SH3D19: variants seen among roughly 807,000 people sequenced by gnomAD.
The protein encoded by SH3D19 is SH3 domain-containing protein 19.
SH3D19 carries 58 observed loss-of-function variants against 112.1 expected under a neutral mutation model. The observed-to-expected ratio is 0.52, with a 90% confidence interval of 0.42 to 0.64. The LOEUF (loss-of-function observed/expected upper bound fraction) is 0.64. Ranked by LOEUF, SH3D19 falls within the 30% of genes least tolerant of loss-of-function variation. The pLI is 0.00. For missense variants in SH3D19, 1,090 were observed against 1,263.4 expected (o/e 0.86, Z 2.08); for synonymous variants, 391 against 448.5 (o/e 0.87, Z 1.62).
chr4:151,137,139 C>T (rs1359473848), intron 14 of SH3D19, among the ~76,000 whole-genome samples: 1 of 152,196 alleles, frequency 6.6e-6, no homozygotes, highest in African/African-American at 2.4e-5. Flanking sequence ...AATGCTTTCA[C>T]AAGTTAGGCC....
intron 16 of SH3D19, among the ~76,000 whole-genome samples, 184 bp from the exon 17 acceptor site, chr4:151,132,567 T>C (rs1052690099): frequency 3.3e-5 from 5 of 152,248 alleles, no homozygotes; most frequent in Non-Finnish European, 5.9e-5. Flanking sequence ...GTTTAGTTAA[T>C]TGTAAACACA....
At chr4:151,323,629 T>G (rs1730762838) in intron 1 of SH3D19, among the ~76,000 whole-genome samples, 1 of 152,174 alleles carries the variant, frequency 6.6e-6, no homozygotes, top group East Asian at 1.9e-4. Context: ...GTTAGAAAAC[T>G]ACAAACACCA....
chr4:151,260,384 A>G lies in SH3D19; in HGVS notation c.113-34298T>C, dbSNP rs544787937. ...ATTTTACCACCATCACTGTCCCCCA[A>G]TCTTTTTCTCTCTCTGCCTTCCCCA... On this transcript the variant is annotated intron_variant, in intron 1 of 19. Transcript: ENST00000604030. 9.9e-5 allele frequency among the ~76,000 whole-genome samples: 15 copies of G among 152,246 alleles called. No homozygotes were observed. In the South Asian group the frequency reaches 1.7e-3, roughly 17 times the overall value.
At chr4:151,181,456 T>C (rs1452433882) in intron 3 of SH3D19, among the ~76,000 whole-genome samples, 1 of 152,182 alleles carries the variant, frequency 6.6e-6, no homozygotes, top group Non-Finnish European at 1.5e-5. Context: ...TTGGAGGATG[T>C]CCTCATATTC....
rs767370386 is a variant in SH3D19, at chr4:151,176,803, T to C, written c.375+14A>G. The stretch of plus-strand genomic sequence containing the variant: ...AAAAATAAAATGCAAAGAGATAATG[T>C]AATGTTTATTCACCTCAGCAGGAAC... On this transcript the variant is annotated intron_variant, in intron 5 of 19. Transcript: ENST00000604030. 3 of 1,231,910 alleles carry C rather than the reference T, an allele frequency of 2.4e-6. No individual in the cohort carries two copies. The highest frequency in any genetic ancestry group is 3.0e-6 in the Non-Finnish European group (3 of 987,724). The allele number at this position is 1,231,910 out of a possible 1,614,324, so 76.3% of individuals were successfully genotyped here.
At chr4:151,253,761 A>AAAC (rs368369876) in intron 1 of SH3D19, among the ~76,000 whole-genome samples, 4,727 of 151,752 alleles carry the variant, frequency 0.031, 200 homozygotes, top group African/African-American at 0.1. Flanking sequence ...AAAAACAAGA[A>AAAC]AACAACAACA....
At chr4:151,254,755 C>CA (rs1771685511) in intron 1 of SH3D19, among the ~76,000 whole-genome samples, 1 of 151,100 alleles carries the variant, frequency 6.6e-6, no homozygotes, top group South Asian at 2.1e-4. Flanking sequence ...TCCGATTTCT[C>CA]AATCTTTTCC....
intron 9 of SH3D19, among the ~76,000 whole-genome samples, chr4:151,153,537 G>A (rs747046985): frequency 2.2e-4 from 33 of 152,042 alleles, no homozygotes; most frequent in African/African-American, 3.1e-4. Context: ...ATGAGCCACC[G>A]TGCCTGGCCC....
intron 1 of SH3D19, among the ~76,000 whole-genome samples, chr4:151,255,173 G>A (rs572797800): frequency 2.3e-4 from 34 of 150,740 alleles, no homozygotes; most frequent in Non-Finnish European, 3.7e-4. Context: ...GGGCGGAGAC[G>A]CTCCTCACTT....
chr4:151,216,146 G>A (rs1767064597), intron 2 of SH3D19, among the ~76,000 whole-genome samples: 1 of 152,160 alleles, frequency 6.6e-6, no homozygotes, highest in South Asian at 2.1e-4. Flanking sequence ...TACCTTTAAG[G>A]ACAAGACTGA....
In SH3D19 at chr4:151,161,644, T is replaced by TTTA. The variant is rs58967463; in HGVS notation, c.1643-2293_1643-2292insTAA. Reference sequence around the variant, plus strand: ...CATATATATATATATATATATATTTTAATTATACTTTAAGTTCTAGGGTAC... The same window carrying TTTA: ...CATATATATATATATATATATATTTTTTAAATTATACTTTAAGTTCTAGGGTAC... On this transcript the variant is annotated intron_variant, in intron 8 of 19. Coordinates refer to ENST00000604030, the MANE Select transcript of SH3D19 (RefSeq NM_001378122.1). Among the ~76,000 whole-genome samples, 462 of 148,550 alleles carry TTTA rather than the reference T, an allele frequency of 3.1e-3. 3 individuals carry two copies. Among genetic ancestry groups the TTTA allele is most frequent in the African/African-American group, 1.0e-2 (407 of 40,870 alleles).
chr4:151,161,995 A>T (rs1757248308), intron 8 of SH3D19, among the ~76,000 whole-genome samples: 1 of 151,564 alleles, frequency 6.6e-6, no homozygotes, highest in Non-Finnish European at 1.5e-5. Flanking sequence ...TATTTTTAAA[A>T]TTTTACTTTA....
intron 1 of SH3D19, among the ~76,000 whole-genome samples, chr4:151,285,193 A>C (rs1240882426): frequency 1.3e-5 from 2 of 152,206 alleles, no homozygotes; most frequent in African/African-American, 4.8e-5. Flanking sequence ...GTAGCCTTTT[A>C]TATGCTGTCC....
At chr4:151,177,669 G>A (rs1241330724) in intron 4 of SH3D19, among the ~76,000 whole-genome samples, 1 of 152,146 alleles carries the variant, frequency 6.6e-6, no homozygotes, top group Non-Finnish European at 1.5e-5. Flanking sequence ...TTATTATAAA[G>A]TGCATACTCT....
intron 2 of SH3D19, among the ~76,000 whole-genome samples, chr4:151,213,579 AG>A (rs928725371): frequency 1.3e-5 from 2 of 152,164 alleles, no homozygotes; most frequent in African/African-American, 4.8e-5. Context: ...TAGGAGGTCA[AG>A]GCTGCAGTGA....
intron 2 of SH3D19, among the ~76,000 whole-genome samples, chr4:151,221,476 C>T (rs549401767): frequency 2.0e-5 from 3 of 152,274 alleles, no homozygotes; most frequent in African/African-American, 4.8e-5. Context: ...GGACAGAAAA[C>T]GATGTCCTTT....
intron 1 of SH3D19, chr4:151,261,096 G>A (rs560754005): frequency 6.6e-6 from 1 of 151,978 alleles, no homozygotes; most frequent in Admixed American, 6.6e-5. Context: ...CGGCCAGATT[G>A]TATCTATTTT....
rs2149827425 is a variant in SH3D19 at position 151,175,454 on chromosome 4, T to C, written c.750A>G (p.Lys250=). ...DSHIKEQSQQ[K]ISPAAVGEES... is the part of the protein sequence containing the mutation. The stretch of plus-strand genomic sequence containing the variant: ...CCTCTCCTACGGCTGCTGGGCTGAT[T>C]TTCTGTTGACTTTGCTCTTTAATGT... The change falls in exon 7 of 20, where the codon AAA becomes AAG. Residue 250 remains lysine, a synonymous_variant. Coordinates refer to ENST00000604030, the MANE Select transcript of SH3D19 (RefSeq NM_001378122.1). 6.6e-7 allele frequency: 1 copy of C among 1,511,000 alleles called. No homozygotes were observed. The highest frequency in any genetic ancestry group is 2.3e-5 in the East Asian group (1 of 43,888). The allele number at this position is 1,511,000 out of a possible 1,614,324, so 93.6% of individuals were successfully genotyped here.
At chr4:151,132,183 T>C in intron 17 of SH3D19, 148 bp downstream of exon 17, 4 of 664,480 alleles carry the variant, frequency 6.0e-6, no homozygotes, top group Non-Finnish European at 1.0e-5. Context: ...ATATAAAATA[T>C]ATTAACCATC....
Sources: allele counts gnomAD v4.1 joint callset (sites outside exome capture counted in the v4.1 genomes callset), GRCh38; gene constraint gnomAD v4.1.1; transcripts MANE v1.5; gene names NCBI Gene and HGNC (gene_info 2026-07-23, HGNC 2026-07-21).